MUSK: variants seen among roughly 807,000 people sequenced by gnomAD.
MUSK encodes the protein muscle associated receptor tyrosine kinase.
Under a neutral mutation model 88.7 loss-of-function variants are expected in MUSK, and 55 were observed. The observed-to-expected ratio is 0.62, with a 90% CI of 0.50 to 0.78. The LOEUF (loss-of-function observed/expected upper bound fraction) is 0.78. MUSK is among the 30% of genes least tolerant of loss of function. The pLI, the probability that MUSK is intolerant of heterozygous loss-of-function variation, is 0.00. For missense variants in MUSK, 1,015 were observed against 1,074.3 expected (o/e 0.94, Z 0.77); for synonymous variants, 387 against 391.9 (o/e 0.99, Z 0.15).
intron 3 of MUSK, among the ~76,000 whole-genome samples, chr9:110,693,154 A>T (rs1417913205): frequency 6.6e-6 from 1 of 152,198 alleles, no homozygotes; most frequent in Non-Finnish European, 1.5e-5. Flanking sequence ...AGGATGAAAC[A>T]CATTCAAGTA....
intron 3 of MUSK, among the ~76,000 whole-genome samples, chr9:110,690,013 A>AT (rs2076299583): frequency 2.2e-5 from 2 of 92,306 alleles, no homozygotes; most frequent in Non-Finnish European, 1.8e-5. Context: ...TATTATAAAT[A>AT]TATAATATAT....
chr9:110,762,772 C>G (rs938175277), intron 8 of MUSK, among the ~76,000 whole-genome samples: 8 of 152,052 alleles, frequency 5.3e-5, no homozygotes, highest in African/African-American at 1.9e-4. Context: ...TTAAAACTGA[C>G]CTTCATAAAA....
Position 110,707,932 on chromosome 9 carries a change from C to T in MUSK, c.628+10466C>T, listed in dbSNP as rs75474353. Reference sequence around the variant, plus strand: ...GAGTCTCCATCACTTGTCAGGACACCTGCGTGCTGCCAGCCCAGTTTCTTT... The same window carrying T: ...GAGTCTCCATCACTTGTCAGGACACTTGCGTGCTGCCAGCCCAGTTTCTTT... On this transcript the variant is annotated intron_variant, in intron 5 of 14. Transcript: ENST00000374448. 2.5e-3 allele frequency among the ~76,000 whole-genome samples: 375 copies of T among 152,298 alleles called. 7 individuals are homozygous for T. The East Asian group carries it at 0.056, about 23-fold the overall frequency.
In MUSK at chr9:110,806,007, GT is replaced by G; in HGVS notation, c.*5021del. ...ATTTATGAAAGTAATACATAAAAAT[GT>G]TGTTTAAAAAAACTCACAAGAGGGT... On this transcript the variant is annotated 3_prime_UTR_variant, in exon 15 of 15. Transcript: ENST00000374448. Among the ~76,000 whole-genome samples the G allele has an allele frequency of 6.6e-6, 1 of 151,838 alleles. No individual in the cohort carries two copies. The highest frequency in any genetic ancestry group is 2.1e-4 in the South Asian group (1 of 4,810).
chr9:110,689,142 T>A (rs1380622604), intron 3 of MUSK, among the ~76,000 whole-genome samples: 90 of 129,494 alleles, frequency 7.0e-4, no homozygotes, highest in African/African-American at 2.6e-3. Context: ...ATAAATAAAC[T>A]ATATATTTAT....
chr9:110,740,243 A>T (rs2077079657), intron 6 of MUSK, among the ~76,000 whole-genome samples: 1 of 152,180 alleles, frequency 6.6e-6, no homozygotes, highest in Non-Finnish European at 1.5e-5. Flanking sequence ...AATACCACAG[A>T]TAGGGTGTCT....
Position 110,776,619 on chromosome 9 carries a change from C to G in MUSK, c.1361-13C>G. 1 of 1,596,020 alleles carries G rather than the reference C, an allele frequency of 6.3e-7. No homozygotes were observed. Among genetic ancestry groups the G allele is most frequent in the East Asian group, 2.2e-5 (1 of 44,532 alleles). On this transcript the variant is annotated splice_polypyrimidine_tract_variant and intron_variant, in intron 10 of 14. Coordinates refer to ENST00000374448, the MANE Select transcript of MUSK (RefSeq NM_005592.4). Reference sequence around the variant, plus strand: ...TGCTCACTTAAAACAAATTTTTATCCTTTCCCCTTCAGATTATAACAAAGA... The same window carrying G: ...TGCTCACTTAAAACAAATTTTTATCGTTTCCCCTTCAGATTATAACAAAGA...
In MUSK at chr9:110,785,505, ATCTTGCCTG is replaced by A; in HGVS notation, c.1587-12_1587-4del. ...TAACCTGCTTCTGAGCTCATTCCTG[ATCTTGCCTG>A]TCTTGCCTGCAGAGAATCAGCAGCA... On this transcript the variant is annotated splice_polypyrimidine_tract_variant and intron_variant, in intron 12 of 14. Transcript: ENST00000374448. 1 of 1,566,910 alleles carries A rather than the reference ATCTTGCCTG, an allele frequency of 6.4e-7. No individual in the cohort carries two copies. Among genetic ancestry groups the A allele is most frequent in the Non-Finnish European group, 8.7e-7 (1 of 1,154,178 alleles).
At chr9:110,722,774 C>A (rs76783291) in intron 5 of MUSK, among the ~76,000 whole-genome samples, 330 of 151,974 alleles carry the variant, frequency 2.2e-3, no homozygotes, top group African/African-American at 7.6e-3. Context: ...AAATGGCCAA[C>A]AAGCATGGAA....
intron 6 of MUSK, among the ~76,000 whole-genome samples, chr9:110,735,117 G>T (rs1587971575): frequency 6.6e-6 from 1 of 152,162 alleles, no homozygotes; most frequent in Admixed American, 6.5e-5. Flanking sequence ...ATGGGAATGG[G>T]AATTACTACA....
intron 11 of MUSK, among the ~76,000 whole-genome samples, chr9:110,782,866 A>T (rs1254662093): frequency 6.6e-6 from 1 of 152,122 alleles, no homozygotes; most frequent in Non-Finnish European, 1.5e-5. Flanking sequence ...GATCTTGCGC[A>T]GATGTTTTAT....
rs2078101066 is a variant in MUSK, at chr9:110,801,768, T to C, written c.*780T>C. ...TTACCTTTTCCTTTAAAAATTGTAT[T>C]GGTATCTTTTCCATTGCTTTAATCT... On this transcript the variant is annotated 3_prime_UTR_variant, in exon 15 of 15. Transcript: ENST00000374448. 1 of 152,232 alleles carries C rather than the reference T, an allele frequency of 6.6e-6. No individual in the cohort carries two copies. Among genetic ancestry groups the C allele is most frequent in the Non-Finnish European group, 1.5e-5 (1 of 68,044 alleles). 9.4% of individuals were successfully genotyped at this position (152,232 alleles called of 1,614,324 possible).
chr9:110,775,556 G>T, intron 9 of MUSK: 1 of 536,156 alleles, frequency 1.9e-6, no homozygotes, highest in Admixed American at 3.1e-5. Context: ...CCTTAGACTA[G>T]CATTAATTGT....
intron 5 of MUSK, among the ~76,000 whole-genome samples, chr9:110,731,878 C>G (rs2076968237): frequency 6.6e-6 from 1 of 151,516 alleles, no homozygotes; most frequent in South Asian, 2.1e-4. Context: ...ACAATAAGCC[C>G]AAATGATATT....
intron 8 of MUSK, among the ~76,000 whole-genome samples, chr9:110,763,667 C>T (rs2077433530): frequency 1.3e-5 from 2 of 152,252 alleles, no homozygotes; most frequent in South Asian, 4.2e-4. Flanking sequence ...TTGTCTGAAG[C>T]AGAGGAGAGG....
intron 11 of MUSK, among the ~76,000 whole-genome samples, chr9:110,781,161 A>G (rs1167272147): frequency 1.3e-5 from 2 of 152,112 alleles, no homozygotes; most frequent in African/African-American, 4.8e-5. Context: ...AGATCTTGGT[A>G]TATGCTATTA....
intron 6 of MUSK, among the ~76,000 whole-genome samples, chr9:110,745,182 A>C (rs1564260638): frequency 1.3e-5 from 2 of 152,200 alleles, no homozygotes; most frequent in African/African-American, 4.8e-5. Flanking sequence ...GAACTATTTC[A>C]ACACCTGGAT....
At chr9:110,745,324 G>C (rs1184852639) in intron 6 of MUSK, among the ~76,000 whole-genome samples, 1 of 152,160 alleles carries the variant, frequency 6.6e-6, no homozygotes, top group East Asian at 1.9e-4. Context: ...GTGGGACTTA[G>C]GGCAACATTT....
intron 7 of MUSK, among the ~76,000 whole-genome samples, chr9:110,752,042 T>C (rs2077254837): frequency 1.3e-5 from 2 of 152,180 alleles, no homozygotes; most frequent in South Asian, 4.1e-4. Context: ...CCTGATTTGT[T>C]TGTCTGGTTG....
Sources: gnomAD v4.1 joint callset for allele counts (sites outside exome capture counted in the v4.1 genomes callset) on GRCh38, gnomAD v4.1.1 for gene constraint, MANE v1.5 for transcripts, NCBI Gene and HGNC (gene_info 2026-07-23, HGNC 2026-07-21) for gene names.